Variants in LRMDA observed in about 807,000 individuals in gnomAD.
The protein encoded by LRMDA is leucine-rich melanocyte differentiation-associated protein.
LRMDA carries 18 observed loss-of-function variants against 29.8 expected under a neutral mutation model. That is an observed-to-expected ratio of 0.60 (90% CI 0.42 to 0.90). The LOEUF is 0.90. Among genes scored for constraint, LRMDA ranks in the 40% least tolerant of loss-of-function variants. LRMDA has a pLI of 0.00. For synonymous variants in LRMDA, 125 were observed against 109.4 expected, an observed-to-expected ratio of 1.14 and a Z score of -0.89; for missense variants, 273 against 273.9, an observed-to-expected ratio of 1.00 and a Z score of 0.02.
intron 5 of LRMDA, among the ~76,000 whole-genome samples, chr10:76,123,125 A>T (rs917826355): frequency 1.3e-5 from 2 of 152,100 alleles, no homozygotes; most frequent in African/African-American, 4.8e-5. Context: ...GGCGCTGGCT[A>T]ACAGACCTCA....
chr10:75,551,348 A>AT (rs1301594100), intron 2 of LRMDA, among the ~76,000 whole-genome samples: 1 of 152,054 alleles, frequency 6.6e-6, no homozygotes, highest in Admixed American at 6.6e-5. Context: ...TTTATTTTTT[A>AT]TAATACTTTA....
chr10:75,809,509 G>A (rs1235136523), intron 2 of LRMDA, among the ~76,000 whole-genome samples: 3 of 152,162 alleles, frequency 2.0e-5, no homozygotes, highest in South Asian at 4.1e-4. Flanking sequence ...CAGGCGTGGT[G>A]GTGTGCACCT....
intron 6 of LRMDA, among the ~76,000 whole-genome samples, chr10:76,353,613 A>C (rs1841205119): frequency 6.6e-6 from 1 of 152,102 alleles, no homozygotes. Context: ...CTGAGATGTG[A>C]AGAGAACAAG....
chr10:76,105,892 G>A (rs187235121), intron 5 of LRMDA, among the ~76,000 whole-genome samples: 73 of 152,152 alleles, frequency 4.8e-4, no homozygotes, highest in African/African-American at 1.4e-3. Flanking sequence ...GACTACAGGC[G>A]CATGCCACCA....
At chr10:76,170,750 C>G (rs112400204) in intron 5 of LRMDA, among the ~76,000 whole-genome samples, 6,363 of 152,190 alleles carry the variant, frequency 0.042, 174 homozygotes, top group Middle Eastern at 0.068. Context: ...TTCTTTTAGA[C>G]CTTTTAGTTT....
intron 2 of LRMDA, among the ~76,000 whole-genome samples, chr10:76,024,944 C>T (rs757237632): frequency 3.9e-5 from 6 of 152,200 alleles, no homozygotes; most frequent in African/African-American, 9.6e-5. Context: ...CTCTGCATTC[C>T]GCCCCATGGC....
At chr10:75,833,112 G>T (rs1307471533) in intron 2 of LRMDA, among the ~76,000 whole-genome samples, 1 of 152,150 alleles carries the variant, frequency 6.6e-6, no homozygotes, top group Non-Finnish European at 1.5e-5. Context: ...TCAACAACTT[G>T]ATGTCTAGTT....
At chr10:75,710,169 G>A (rs765968627) in intron 2 of LRMDA, among the ~76,000 whole-genome samples, 7 of 152,182 alleles carry the variant, frequency 4.6e-5, no homozygotes, top group African/African-American at 7.2e-5. Context: ...ATCTGGGAGC[G>A]TTGATAATTA....
rs534822601 is a variant in LRMDA at position 76,470,715 on chromosome 10, A to G, written c.602-86494A>G. Among the ~76,000 whole-genome samples the G allele has an allele frequency of 3.9e-5, 6 of 152,172 alleles. No homozygotes were observed. In the South Asian group the frequency reaches 6.2e-4, roughly 16 times the overall value. On this transcript the variant is annotated intron_variant, in intron 6 of 6. Transcript: ENST00000611255. ...CAAATACATAGAGACAGAAAGCAGA[A>G]TAGAATAGAGGTTAACAAGGACTGG...
intron 6 of LRMDA, among the ~76,000 whole-genome samples, chr10:76,353,649 C>T (rs980994438): frequency 1.3e-5 from 2 of 152,084 alleles, no homozygotes; most frequent in Non-Finnish European, 2.9e-5. Context: ...CAACTGAGAC[C>T]TTTCACTCAA....
chr10:75,989,487 C>T (rs576230541), intron 2 of LRMDA, among the ~76,000 whole-genome samples: 1 of 152,306 alleles, frequency 6.6e-6, no homozygotes, highest in Admixed American at 6.5e-5. Flanking sequence ...TGGTGTTAAA[C>T]CATGAGAAAC....
chr10:75,883,500 G>T (rs1026551777), intron 2 of LRMDA: 2 of 152,168 alleles, frequency 1.3e-5, no homozygotes, highest in African/African-American at 4.8e-5. Context: ...TTCATTACAT[G>T]TTAATACCAC....
chr10:76,388,678 C>T (rs188816188), intron 6 of LRMDA, among the ~76,000 whole-genome samples: 44 of 152,258 alleles, frequency 2.9e-4, no homozygotes, highest in Admixed American at 8.5e-4. Context: ...GAAGGGGACA[C>T]GGATACCACC....
At chr10:75,987,957 A>G (rs955878510) in intron 2 of LRMDA, among the ~76,000 whole-genome samples, 1 of 152,216 alleles carries the variant, frequency 6.6e-6, no homozygotes, top group Non-Finnish European at 1.5e-5. Context: ...TTAAATATTC[A>G]TTTGGCATTA....
chr10:76,444,323 G>C (rs975182331), intron 6 of LRMDA, among the ~76,000 whole-genome samples: 3 of 152,138 alleles, frequency 2.0e-5, no homozygotes, highest in African/African-American at 7.2e-5. Flanking sequence ...TGCTTGCTCA[G>C]AACACAGCTG....
chr10:76,341,877 C>T (rs933888564), intron 6 of LRMDA, among the ~76,000 whole-genome samples: 1 of 152,062 alleles, frequency 6.6e-6, no homozygotes, highest in Non-Finnish European at 1.5e-5. Context: ...ATAATAGAAT[C>T]TTTTATGACC....
At chr10:76,248,322 C>T (rs1334769209) in intron 5 of LRMDA, among the ~76,000 whole-genome samples, 1 of 152,064 alleles carries the variant, frequency 6.6e-6, no homozygotes, top group Non-Finnish European at 1.5e-5. Flanking sequence ...GTTGAGATAC[C>T]CTGATCTGGG....
chr10:75,538,846 C>T (rs1267495128), intron 2 of LRMDA, among the ~76,000 whole-genome samples: 2 of 152,170 alleles, frequency 1.3e-5, no homozygotes, highest in Non-Finnish European at 2.9e-5. Flanking sequence ...TAAACATCCC[C>T]AGGCAATGAC....
chr10:76,552,588 A>G (rs1454679152), intron 6 of LRMDA, among the ~76,000 whole-genome samples: 1 of 152,234 alleles, frequency 6.6e-6, no homozygotes, highest in African/African-American at 2.4e-5. Flanking sequence ...CACCTATTTC[A>G]GAGCTAAAAT....
Sources: allele counts gnomAD v4.1 joint callset (sites outside exome capture counted in the v4.1 genomes callset), GRCh38; gene constraint gnomAD v4.1.1; transcripts MANE v1.5; gene names NCBI Gene and HGNC (gene_info 2026-07-23, HGNC 2026-07-21).